Variants in NECAB1 observed in about 807,000 individuals in gnomAD.
The protein encoded by NECAB1 is N-terminal EF-hand calcium-binding protein 1.
A neutral mutation model predicts 57.5 loss-of-function variants in NECAB1; 29 were observed. That is an observed-to-expected ratio of 0.50 (90% CI 0.38 to 0.69). The LOEUF (loss-of-function observed/expected upper bound fraction) is 0.69, where lower values mean the gene tolerates loss of function less well. Ranked by LOEUF, NECAB1 falls within the 30% of genes least tolerant of loss-of-function variation. The pLI is 0.00. For synonymous variants in NECAB1, 142 were observed against 147.7 expected (o/e 0.96, Z 0.28); for missense variants, 372 against 413.8 (o/e 0.90, Z 0.88).
chr8:90,944,153 T>C (rs1209428835), intron 10 of NECAB1, among the ~76,000 whole-genome samples: 1 of 152,204 alleles, frequency 6.6e-6, no homozygotes, highest in Non-Finnish European at 1.5e-5. Flanking sequence ...TGTCTGACTC[T>C]AAAACTAGCG....
At position 90,925,539 on chromosome 8, in the gene NECAB1, G is replaced by C; in HGVS notation, c.499G>C (p.Gly167Arg). 6.2e-7 allele frequency: 1 copy of C among 1,612,436 alleles called. No individual in the cohort carries two copies. Among genetic ancestry groups the C allele is most frequent in the Non-Finnish European group, 8.5e-7 (1 of 1,179,292 alleles). The change falls in exon 7 of 13, where the codon GGG (glycine) becomes CGG (arginine). Residue 167 changes from glycine to arginine, a missense_variant. Physicochemically the swap from Gly to Arg is moderately radical, Grantham distance 125. Coordinates refer to ENST00000417640, the MANE Select transcript of NECAB1 (RefSeq NM_022351.5). Reference sequence around the variant, plus strand: ...ATGTTATCTCTGTTGATCAAGGCAAGGGCCAGCCAAGCCAGAAGTCCTGTC... The same window carrying C: ...ATGTTATCTCTGTTGATCAAGGCAACGGCCAGCCAAGCCAGAAGTCCTGTC... ...TEEQTRQERQ[G>R]PAKPEVLSIQ...
At chr8:90,882,467 C>T (rs1808861943) in intron 5 of NECAB1, among the ~76,000 whole-genome samples, 1 of 151,374 alleles carries the variant, frequency 6.6e-6, no homozygotes, top group African/African-American at 2.4e-5. Context: ...AATCAGAATA[C>T]ATTTTCTTTA....
At chr8:90,812,605 T>C (rs1563494141) in intron 2 of NECAB1, 1 of 152,176 alleles carries the variant, frequency 6.6e-6, no homozygotes. Flanking sequence ...AAATATATGA[T>C]GTCAAGTCAG....
At chr8:90,821,148 C>A (rs1405502850) in intron 2 of NECAB1, among the ~76,000 whole-genome samples, 2 of 151,748 alleles carry the variant, frequency 1.3e-5, no homozygotes, top group Non-Finnish European at 2.9e-5. Context: ...CTTTTCTAGA[C>A]CCCTGTGATT....
intron 10 of NECAB1, 106 bp from the exon 11 acceptor site, chr8:90,949,701 C>T: frequency 2.0e-6 from 1 of 488,138 alleles, no homozygotes; most frequent in Non-Finnish European, 3.6e-6. Flanking sequence ...AGATTGTTTC[C>T]TCTATTAATG....
chr8:90,871,106 G>T (rs1808614782), intron 3 of NECAB1, among the ~76,000 whole-genome samples: 1 of 152,094 alleles, frequency 6.6e-6, no homozygotes, highest in African/African-American at 2.4e-5. Flanking sequence ...CTAATTAAAG[G>T]ACAACTGGAT....
chr8:90,830,620 G>C (rs1812286508), intron 3 of NECAB1, among the ~76,000 whole-genome samples: 1 of 152,112 alleles, frequency 6.6e-6, no homozygotes, highest in Admixed American at 6.6e-5. Flanking sequence ...ACAGAGTCCA[G>C]TTAGAACTTC....
rs181592412 is a variant in NECAB1, at chr8:90,914,782, T to A, written c.358-2710T>A. ...ATCTAACTTTAACATCATCAAAATA[T>A]TTGTATGTAAGATCACAATAGCAAA... On this transcript the variant is annotated intron_variant, in intron 5 of 12. Coordinates refer to ENST00000417640, the MANE Select transcript of NECAB1 (RefSeq NM_022351.5). Among the ~76,000 whole-genome samples, 22 of 152,332 alleles carry A rather than the reference T, an allele frequency of 1.4e-4. No homozygotes were observed. The East Asian group carries it at 4.2e-3, about 29-fold the overall frequency.
At chr8:90,806,511 G>A (rs1327321726) in intron 2 of NECAB1, 1 of 152,088 alleles carries the variant, frequency 6.6e-6, no homozygotes, top group African/African-American at 2.4e-5. Flanking sequence ...AATAATGTTC[G>A]ATAAAATGTA....
chr8:90,855,073 C>T (rs1382493381), intron 3 of NECAB1, among the ~76,000 whole-genome samples: 1 of 152,180 alleles, frequency 6.6e-6, no homozygotes, highest in Non-Finnish European at 1.5e-5. Flanking sequence ...TGTTTGCAAA[C>T]AAACATGTAG....
At chr8:90,945,307 C>T (rs1419968188) in intron 10 of NECAB1, among the ~76,000 whole-genome samples, 1 of 152,132 alleles carries the variant, frequency 6.6e-6, no homozygotes, top group East Asian at 1.9e-4. Flanking sequence ...ACTTCGTGAT[C>T]CGCCCGCCTC....
At chr8:90,797,549 A>T (rs1811683173) in intron 1 of NECAB1, among the ~76,000 whole-genome samples, 1 of 152,230 alleles carries the variant, frequency 6.6e-6, no homozygotes, top group African/African-American at 2.4e-5. Context: ...TGGTTATTTA[A>T]CTATAACTAC....
At chr8:90,869,554 T>G (rs924341644) in intron 3 of NECAB1, among the ~76,000 whole-genome samples, 1 of 152,184 alleles carries the variant, frequency 6.6e-6, no homozygotes, top group Non-Finnish European at 1.5e-5. Context: ...TCAAAGGAGA[T>G]TATTTGGGAG....
At chr8:90,845,685 T>C (rs1812542913) in intron 3 of NECAB1, among the ~76,000 whole-genome samples, 1 of 152,202 alleles carries the variant, frequency 6.6e-6, no homozygotes, top group Admixed American at 6.5e-5. Flanking sequence ...GTAATATTTG[T>C]CACCAGAAAA....
At chr8:90,901,688 T>C (rs1809506273) in intron 5 of NECAB1, among the ~76,000 whole-genome samples, 1 of 152,220 alleles carries the variant, frequency 6.6e-6, no homozygotes. Context: ...GTGAAATTTG[T>C]ATAGTACGAC....
At chr8:90,877,935 G>A (rs1303826242) in intron 4 of NECAB1, among the ~76,000 whole-genome samples, 3 of 152,120 alleles carry the variant, frequency 2.0e-5, no homozygotes, top group Non-Finnish European at 4.4e-5. Flanking sequence ...CTTCCTCTGA[G>A]TATCCAGCAG....
intron 3 of NECAB1, among the ~76,000 whole-genome samples, chr8:90,865,757 G>A (rs1808501405): frequency 6.6e-6 from 1 of 152,168 alleles, no homozygotes; most frequent in Non-Finnish European, 1.5e-5. Flanking sequence ...TATGGGCTCA[G>A]TACTCTGGTG....
intron 5 of NECAB1, among the ~76,000 whole-genome samples, chr8:90,886,546 A>ATGTT (rs199989402): frequency 0.01 from 1,516 of 151,268 alleles, 24 homozygotes; most frequent in African/African-American, 0.035. Flanking sequence ...TGTTTTTTGT[A>ATGTT]TGTTTGTTTT....
chr8:90,936,062 T>A (rs868860503), intron 9 of NECAB1, among the ~76,000 whole-genome samples: 1 of 152,178 alleles, frequency 6.6e-6, no homozygotes, highest in Non-Finnish European at 1.5e-5. Flanking sequence ...GTTGTTTTTT[T>A]AATTAATGGT....
Sources: gnomAD v4.1 joint callset for allele counts (sites outside exome capture counted in the v4.1 genomes callset) on GRCh38, gnomAD v4.1.1 for gene constraint, MANE v1.5 for transcripts, NCBI Gene and HGNC (gene_info 2026-07-23, HGNC 2026-07-21) for gene names.